The following CDC45 variants were observed in gnomAD, a reference collection of about 807,000 sequenced individuals.
CDC45 encodes the protein cell division control protein 45 homolog.
CDC45 carries 54 observed loss-of-function variants against 77.8 expected under a neutral mutation model. The observed-to-expected ratio is 0.69, with a 90% CI of 0.56 to 0.87. The LOEUF is 0.87. Among genes scored for constraint, CDC45 ranks in the 40% least tolerant of loss-of-function variants. The pLI, the probability that CDC45 is intolerant of heterozygous loss-of-function variation, is 0.00. For missense variants in CDC45, 649 were observed against 721.6 expected (o/e 0.90, Z 1.15); for synonymous variants, 260 against 272.1 (o/e 0.96, Z 0.44).
chr22:19,500,457 C>T (rs887888452), intron 9 of CDC45, among the ~76,000 whole-genome samples: 4 of 152,092 alleles, frequency 2.6e-5, no homozygotes, highest in East Asian at 1.9e-4. Context: ...TCATTGCCTC[C>T]GAAACATGTA....
intron 5 of CDC45, among the ~76,000 whole-genome samples, chr22:19,485,294 G>A (rs1457674658): frequency 6.6e-6 from 1 of 152,180 alleles, no homozygotes; most frequent in Non-Finnish European, 1.5e-5. Flanking sequence ...TATGTGCCAG[G>A]TACCAGTTAG....
rs769332983 is a variant in CDC45, at chr22:19,482,804, G to A, written c.319G>A (p.Val107Ile). 4.5e-5 allele frequency: 73 copies of A among 1,613,836 alleles called. No homozygotes were observed. The Admixed American group carries it at 4.7e-4, about 10-fold the overall frequency. Residue 107 changes from valine to isoleucine, a missense_variant, in exon 4 of 19, where the codon GTC becomes ATC. Transcript: ENST00000263201. ...TGACACCCATAGGCCAGTCAATGTC[G>A]TCAATGTATACAACGATACCCAGGT... ...VCDTHRPVNV[V>I]NVYNDTQIKL...
At chr22:19,519,617 G>A (rs1306820096) in intron 18 of CDC45, among the ~76,000 whole-genome samples, 2 of 151,760 alleles carry the variant, frequency 1.3e-5, no homozygotes, top group Non-Finnish European at 2.9e-5. Context: ...GGCTGCGGCT[G>A]TGGCAGATGG....
Position 19,508,900 on chromosome 22 carries a change from T to C in CDC45, c.1217+209T>C, listed in dbSNP as rs9606042. On this transcript the variant is annotated intron_variant, in intron 13 of 18. Coordinates refer to ENST00000263201, the MANE Select transcript of CDC45 (RefSeq NM_003504.5). Reference sequence around the variant, plus strand: ...ATTTGTCACTTTCTCTTGAATCTTTTTTGGCTTTTTTTTCTTTTTGATTTT... The same window carrying C: ...ATTTGTCACTTTCTCTTGAATCTTTCTTGGCTTTTTTTTCTTTTTGATTTT... 0.35 allele frequency among the ~76,000 whole-genome samples: 53,497 copies of C among 152,166 alleles called. 11,653 individuals are homozygous for C. The highest frequency in any genetic ancestry group is 0.48 in the Non-Finnish European group (32,576 of 67,978).
intron 9 of CDC45, among the ~76,000 whole-genome samples, chr22:19,504,116 A>G (rs907782909): frequency 2.6e-5 from 4 of 152,234 alleles, no homozygotes; most frequent in African/African-American, 9.6e-5. Flanking sequence ...TAGACTCACC[A>G]TAATGTGTTA....
chr22:19,480,050 C>T (rs369549893), intron 1 of CDC45, 31 bp downstream of exon 1: 2 of 1,613,348 alleles, frequency 1.2e-6, no homozygotes, highest in South Asian at 1.1e-5. Flanking sequence ...CCCGCCGAGG[C>T]CTTGCCGGTG....
At chr22:19,491,755 G>T (rs911593238) in intron 5 of CDC45, among the ~76,000 whole-genome samples, 1 of 151,814 alleles carries the variant, frequency 6.6e-6, no homozygotes, top group Non-Finnish European at 1.5e-5. Flanking sequence ...ACCCAGGCTG[G>T]AATGCAGTGG....
intron 15 of CDC45, among the ~76,000 whole-genome samples, chr22:19,515,817 T>C (rs1933755620): frequency 6.6e-6 from 1 of 152,172 alleles, no homozygotes; most frequent in African/African-American, 2.4e-5. Flanking sequence ...AGTTTCCTCA[T>C]CCGTGAAATG....
chr22:19,484,910 AT>A (rs2090041677), intron 5 of CDC45, among the ~76,000 whole-genome samples: 1 of 149,150 alleles, frequency 6.7e-6, no homozygotes, highest in East Asian at 2.0e-4. Flanking sequence ...TCTTTGTTCT[AT>A]TTTTTGGAAG....
rs575366448 is a variant in CDC45 at position 19,483,868 on chromosome 22, T to C, written c.349T>C (p.Leu117=). The part of the protein sequence containing the change: ...VNVYNDTQIK[L]LIKQDDDLEV... ...CTTTTTGTTTTGAACTTAGATCAAATTACTCATTAAACAAGATGATGACCT... is the reference window on the plus strand; with the variant it reads ...CTTTTTGTTTTGAACTTAGATCAAACTACTCATTAAACAAGATGATGACCT... Residue 117 remains leucine, a synonymous_variant, in exon 5 of 19, where the codon TTA becomes CTA. Coordinates refer to ENST00000263201, the MANE Select transcript of CDC45 (RefSeq NM_003504.5). The C allele has an allele frequency of 6.2e-7, 1 of 1,612,122 alleles. No individual in the cohort carries two copies. The highest frequency in any genetic ancestry group is 1.1e-5 in the South Asian group (1 of 90,460).
chr22:19,517,052 A>G (rs978798207), intron 17 of CDC45, among the ~76,000 whole-genome samples, 159 bp downstream of exon 17: 2 of 152,246 alleles, frequency 1.3e-5, no homozygotes, highest in Non-Finnish European at 2.9e-5. Context: ...CTGGTGGCTC[A>G]GGGAGCTCTG....
chr22:19,499,291 C>A (rs2090298381), intron 9 of CDC45, 140 bp downstream of exon 9: 1 of 816,546 alleles, frequency 1.2e-6, no homozygotes, highest in Non-Finnish European at 2.0e-6. Flanking sequence ...TCCTTGGGCC[C>A]AAGCATTTGT....
At chr22:19,490,336 CT>C (rs1389019955) in intron 5 of CDC45, among the ~76,000 whole-genome samples, 3 of 151,858 alleles carry the variant, frequency 2.0e-5, no homozygotes, top group African/African-American at 7.3e-5. Context: ...TTCCTGGTCT[CT>C]GTTTTTTTTA....
Position 19,518,693 on chromosome 22 carries a change from A to G in CDC45, c.1637-151A>G, listed in dbSNP as rs1933936977. 3 of 676,726 alleles carry G rather than the reference A, an allele frequency of 4.4e-6. No homozygotes were observed. In the African/African-American group the frequency reaches 5.3e-5, roughly 12 times the overall value. 41.9% of individuals were successfully genotyped at this position (676,726 alleles called of 1,614,324 possible). A position where few individuals can be genotyped will look rare whatever the true frequency, so the allele number is the denominator to read the frequency against. Reference sequence around the variant, plus strand: ...TTGTGAAGATGAAGTACAGTGAGACAGACACAACCACTGAGTGCAGAATAC... The same window carrying G: ...TTGTGAAGATGAAGTACAGTGAGACGGACACAACCACTGAGTGCAGAATAC... On this transcript the variant is annotated intron_variant, in intron 17 of 18. Coordinates refer to ENST00000263201, the MANE Select transcript of CDC45 (RefSeq NM_003504.5).
intron 11 of CDC45, 50 bp downstream of exon 11, chr22:19,507,567 G>A: frequency 1.2e-6 from 2 of 1,608,662 alleles, no homozygotes; most frequent in Middle Eastern, 1.7e-4. Flanking sequence ...CACCCCCAAG[G>A]GAAAAGCCCC....
At chr22:19,481,528 G>A (rs1474793981) in intron 3 of CDC45, among the ~76,000 whole-genome samples, 2 of 151,020 alleles carry the variant, frequency 1.3e-5, no homozygotes, top group Admixed American at 6.6e-5. Flanking sequence ...ACAGGCACCC[G>A]CCACCACACC....
At chr22:19,491,848 G>A (rs1221708823) in intron 5 of CDC45, among the ~76,000 whole-genome samples, 1 of 150,670 alleles carries the variant, frequency 6.6e-6, no homozygotes, top group African/African-American at 2.4e-5. Flanking sequence ...TTTTTTTGAG[G>A]CAGAGTCTCA....
At chr22:19,509,874 CT>C (rs960361564) in intron 13 of CDC45, among the ~76,000 whole-genome samples, 2 of 152,066 alleles carry the variant, frequency 1.3e-5, no homozygotes, top group African/African-American at 4.8e-5. Context: ...CCCAAGCACA[CT>C]TTTTTTTCCA....
rs758094694 is a variant in CDC45 at position 19,483,963 on chromosome 22, T to A, written c.444T>A (p.Ser148Arg). ...ATGAAGAGCATTCAGGAAATGACAG[T>A]GATGGGTCAGAGCCTTCTGAGAAGC... ...EEDEEHSGND[S>R]DGSEPSEKRT... The change falls in exon 5 of 19, where the codon AGT (serine) becomes AGA (arginine). Residue 148 changes from serine to arginine, a missense_variant. Ser to Arg is a moderately radical substitution (Grantham distance 110). Transcript: ENST00000263201. 3.1e-6 allele frequency: 5 copies of A among 1,613,676 alleles called. No individual in the cohort carries two copies. Among genetic ancestry groups the A allele is most frequent in the Non-Finnish European group, 3.4e-6 (4 of 1,179,952 alleles).
Sources: gnomAD v4.1 joint callset for allele counts (sites outside exome capture counted in the v4.1 genomes callset) on GRCh38, gnomAD v4.1.1 for gene constraint, MANE v1.5 for transcripts, NCBI Gene and HGNC (gene_info 2026-07-23, HGNC 2026-07-21) for gene names.